Variants in FAM227B observed in about 807,000 individuals in gnomAD.
FAM227B encodes the protein protein FAM227B.
A neutral mutation model predicts 73.8 loss-of-function variants in FAM227B; 88 were observed. The ratio of observed to expected loss-of-function variants is 1.19; its 90% CI spans 1.00 to 1.42. FAM227B has a LOEUF of 1.42. Ranked by LOEUF, FAM227B falls within the 40% of genes most tolerant of loss-of-function variation. The pLI, the probability that FAM227B is intolerant of heterozygous loss-of-function variation, is 0.00. For missense variants in FAM227B, 632 were observed against 590.9 expected, an observed-to-expected ratio of 1.07 and a Z score of -0.72; for synonymous variants, 210 against 190.5, an observed-to-expected ratio of 1.10 and a Z score of -0.84.
chr15:49,605,193 A>G (rs2077437579), intron 3 of FAM227B, among the ~76,000 whole-genome samples: 1 of 152,132 alleles, frequency 6.6e-6, no homozygotes, highest in South Asian at 2.1e-4. Context: ...CACCCAGAAA[A>G]TGTAGGCAGG....
chr15:49,444,351 C>T (rs1464402253), intron 11 of FAM227B, among the ~76,000 whole-genome samples: 1 of 151,592 alleles, frequency 6.6e-6, no homozygotes, highest in African/African-American at 2.4e-5. Context: ...TTTGAAAATG[C>T]ACGGAACCAA....
intron 11 of FAM227B, among the ~76,000 whole-genome samples, chr15:49,498,043 G>A (rs1394719378): frequency 1.3e-5 from 2 of 152,056 alleles, no homozygotes; most frequent in Non-Finnish European, 2.9e-5. Flanking sequence ...TTTAATCCAG[G>A]AAAAGACCTA....
chr15:49,577,743 A>G lies in FAM227B; in HGVS notation c.406-79T>C, dbSNP rs1019309650. On this transcript the variant is annotated intron_variant, in intron 5 of 15. Transcript: ENST00000299338. The stretch of plus-strand genomic sequence containing the variant: ...ATTTAGTAAATTTGTTCAGTTAACT[A>G]GTATGCATAGATAACTATAGATATA... The G allele has an allele frequency of 3.2e-5, 25 of 775,856 alleles. No individual in the cohort carries two copies. In the African/African-American group the frequency reaches 3.9e-4, roughly 12 times the overall value. The allele number at this position is 775,856 out of a possible 1,614,324, so 48.1% of individuals were successfully genotyped here. A position where few individuals can be genotyped will look rare whatever the true frequency, so the allele number is the denominator to read the frequency against.
intron 11 of FAM227B, chr15:49,425,496 C>T (rs2050049131): frequency 6.6e-6 from 1 of 151,922 alleles, no homozygotes; most frequent in Non-Finnish European, 1.5e-5. Context: ...ATTTTGTTTA[C>T]ATTACTAGCA....
intron 9 of FAM227B, among the ~76,000 whole-genome samples, chr15:49,557,112 C>A (rs912160418): frequency 6.6e-6 from 1 of 152,212 alleles, no homozygotes; most frequent in Admixed American, 6.5e-5. Flanking sequence ...ACTCTCAGTG[C>A]CTTCCCTCTG....
At chr15:49,463,941 T>C (rs529358071) in intron 11 of FAM227B, among the ~76,000 whole-genome samples, 1 of 152,156 alleles carries the variant, frequency 6.6e-6, no homozygotes, top group Non-Finnish European at 1.5e-5. Flanking sequence ...TTTTTGTTTG[T>C]TTGCTTTAGA....
chr15:49,611,179 G>A, intron 3 of FAM227B, 36 bp downstream of exon 3: 1 of 1,249,118 alleles, frequency 8.0e-7, no homozygotes. Flanking sequence ...ATTTTAAAAT[G>A]ATGTAATGGC....
At chr15:49,581,129 C>T (rs749230794) in intron 5 of FAM227B, among the ~76,000 whole-genome samples, 9 of 152,046 alleles carry the variant, frequency 5.9e-5, no homozygotes, top group Non-Finnish European at 7.4e-5. Flanking sequence ...AGAGAGAACC[C>T]TTGTGAGATA....
intron 10 of FAM227B, among the ~76,000 whole-genome samples, chr15:49,530,642 T>A (rs563500758): frequency 6.6e-6 from 1 of 151,936 alleles, no homozygotes; most frequent in East Asian, 1.9e-4. Flanking sequence ...ATTGTATGTA[T>A]CTCTAAAATT....
In FAM227B at chr15:49,589,889, G is replaced by T. The variant is rs1309523456; in HGVS notation, c.224C>A (p.Pro75His). 1.9e-6 allele frequency: 3 copies of T among 1,598,842 alleles called. No homozygotes were observed. The highest frequency in any genetic ancestry group is 4.5e-5 in the East Asian group (2 of 44,774). The stretch of plus-strand genomic sequence containing the variant: ...GATCAAAAGTGCTTCAAATATTCGA[G>T]GAACATTTTCCCATAGGTGTGTATA... ...SIYTHLWENV[P>H]RIFEALLIME... Residue 75 changes from proline (P) to histidine (H), a missense_variant, in exon 4 of 16, where the codon CCT becomes CAT. Physicochemically the swap from Pro to His is moderately conservative, Grantham distance 77 (BLOSUM62 -2). Transcript: ENST00000299338.
In FAM227B at chr15:49,359,094, A is replaced by G. The variant is rs1419690532; in HGVS notation, c.1271+8354T>C. ...CCTTATACAAAAATCAATTCAAGAT[A>G]GATTAAAGACTTAAACGTTAGACCT... On this transcript the variant is annotated intron_variant, in intron 13 of 15. Coordinates refer to ENST00000299338, the MANE Select transcript of FAM227B (RefSeq NM_152647.3). 3.6e-4 allele frequency among the ~76,000 whole-genome samples: 54 copies of G among 152,016 alleles called. No homozygotes were observed. The South Asian group carries it at 3.8e-3, about 11-fold the overall frequency.
rs1382408782 is a variant in FAM227B at position 49,531,022 on chromosome 15, CA to C, written c.874+10657del. ...TTTACTATGCATTATTACATGACAA[CA>C]ACTCAACACATTCTAAAATACAAGG... is the stretch of plus-strand genomic sequence containing the variant. On this transcript the variant is annotated intron_variant, in intron 10 of 15. Coordinates refer to ENST00000299338, the MANE Select transcript of FAM227B (RefSeq NM_152647.3). 4.0e-5 allele frequency among the ~76,000 whole-genome samples: 6 copies of C among 151,576 alleles called. No homozygotes were observed. In the Admixed American group the frequency reaches 4.0e-4, roughly 10 times the overall value.
At chr15:49,412,121 T>A (rs2048908931) in intron 11 of FAM227B, among the ~76,000 whole-genome samples, 1 of 152,242 alleles carries the variant, frequency 6.6e-6, no homozygotes, top group South Asian at 2.1e-4. Flanking sequence ...CATGCTACAA[T>A]GTTTCCAACT....
chr15:49,544,363 T>C (rs2071515551), intron 9 of FAM227B, among the ~76,000 whole-genome samples: 1 of 152,322 alleles, frequency 6.6e-6, no homozygotes, highest in South Asian at 2.1e-4. Flanking sequence ...TTTCATATCC[T>C]GAAACTTTAG....
At chr15:49,477,060 G>GA (rs745520773) in intron 11 of FAM227B, among the ~76,000 whole-genome samples, 1,701 of 130,478 alleles carry the variant, frequency 0.013, 40 homozygotes, top group African/African-American at 0.036. Context: ...ACTCTGTCTC[G>GA]AAAAAAAAAA....
At chr15:49,329,411 C>CA (rs1203104768) in intron 15 of FAM227B, 15 of 984,694 alleles carry the variant, frequency 1.5e-5, no homozygotes, top group Admixed American at 6.2e-5. Flanking sequence ...ATGAATTATC[C>CA]AAAAAAATAT....
chr15:49,573,867 G>A (rs1404696378), intron 8 of FAM227B, among the ~76,000 whole-genome samples: 1 of 152,148 alleles, frequency 6.6e-6, no homozygotes, highest in African/African-American at 2.4e-5. Flanking sequence ...ACTATTCAAA[G>A]AAGGGGCTGA....
At chr15:49,404,387 G>T (rs1359808994) in intron 11 of FAM227B, among the ~76,000 whole-genome samples, 1 of 152,252 alleles carries the variant, frequency 6.6e-6, no homozygotes, top group East Asian at 1.9e-4. Flanking sequence ...ATTACTGTAT[G>T]AGAGTCTAAG....
At chr15:49,504,494 C>G (rs888585469) in intron 11 of FAM227B, among the ~76,000 whole-genome samples, 1 of 151,994 alleles carries the variant, frequency 6.6e-6, no homozygotes, top group African/African-American at 2.4e-5. Context: ...GAACTAGCAC[C>G]ACTCGCGTTC....
Sources: allele counts gnomAD v4.1 joint callset (sites outside exome capture counted in the v4.1 genomes callset), GRCh38; gene constraint gnomAD v4.1.1; transcripts MANE v1.5; gene names NCBI Gene and HGNC (gene_info 2026-07-23, HGNC 2026-07-21).